Variants in SEC22A observed in about 807,000 individuals in gnomAD.
The protein encoded by SEC22A is vesicle-trafficking protein SEC22a.
A neutral mutation model predicts 35.3 loss-of-function variants in SEC22A; 22 were observed. The observed-to-expected ratio is 0.62, with a 90% CI of 0.45 to 0.89. The LOEUF (loss-of-function observed/expected upper bound fraction) is 0.89, where lower values mean the gene tolerates loss of function less well. SEC22A is among the 40% of genes least tolerant of loss of function. The probability of loss-of-function intolerance (pLI) is 0.00; values close to 1 mark genes in which losing one functional copy is unlikely to be tolerated. For missense variants in SEC22A, 354 were observed against 362.5 expected, an observed-to-expected ratio of 0.98 and a Z score of 0.19; for synonymous variants, 119 against 129.5, an observed-to-expected ratio of 0.92 and a Z score of 0.55.
chr3:123,246,052 T>G, intron 5 of SEC22A, 38 bp downstream of exon 5: 1 of 998,364 alleles, frequency 1.0e-6, no homozygotes. Flanking sequence ...TGACTGTGCC[T>G]CTTCATTCTA....
chr3:123,250,226 A>G (rs1044636178), intron 5 of SEC22A, among the ~76,000 whole-genome samples: 1 of 152,142 alleles, frequency 6.6e-6, no homozygotes, highest in Non-Finnish European at 1.5e-5. Flanking sequence ...CCTGGCCAAC[A>G]TGGTGAAACC....
chr3:123,271,589 G>A lies in SEC22A; in HGVS notation c.791G>A (p.Cys264Tyr). ...VKSFLTFGLI[C>Y]LCNMYLYELR... Reference sequence around the variant, plus strand: ...TCTTTTTTGACTTTTGGCTTAATCTGTCTATGCAACATGTATCTCTATGAA... The same window carrying A: ...TCTTTTTTGACTTTTGGCTTAATCTATCTATGCAACATGTATCTCTATGAA... The change falls in exon 7 of 7, where the codon TGT (cysteine) becomes TAT (tyrosine). Residue 264 changes from cysteine (C) to tyrosine (Y), a missense_variant. By Grantham distance (194) the Cys-to-Tyr change is radical. Transcript: ENST00000492595. 1 of 1,614,142 alleles carries A rather than the reference G, an allele frequency of 6.2e-7. No individual in the cohort carries two copies.
chr3:123,222,227 T>G (rs1189364624), intron 2 of SEC22A, among the ~76,000 whole-genome samples: 2 of 151,968 alleles, frequency 1.3e-5, no homozygotes, highest in Non-Finnish European at 2.9e-5. Flanking sequence ...AGACAGAGTC[T>G]CTCTCTTGTC....
rs373209167 is a variant in SEC22A, at chr3:123,271,509, A to G, written c.724-13A>G. On this transcript the variant is annotated splice_polypyrimidine_tract_variant and intron_variant, in intron 6 of 6. Coordinates refer to ENST00000492595, the MANE Select transcript of SEC22A (RefSeq NM_012430.5). ...GTAACCCTAATCATCTTTCATTTTT[A>G]TATTTTGAACAGTGTTATTTACTTG... 2.5e-6 allele frequency: 4 copies of G among 1,604,384 alleles called. No homozygotes were observed. The highest frequency in any genetic ancestry group is 3.4e-6 in the Non-Finnish European group (4 of 1,174,890).
chr3:123,210,924 A>C (rs964290247), intron 2 of SEC22A, among the ~76,000 whole-genome samples: 3 of 152,180 alleles, frequency 2.0e-5, no homozygotes, highest in Non-Finnish European at 4.4e-5. Context: ...GTGTATTAAC[A>C]TGCTTATCCT....
Position 123,209,240 on chromosome 3 carries a change from C to T in SEC22A, c.23C>T (p.Ser8Leu), listed in dbSNP as rs1048208941. 6.2e-7 allele frequency: 1 copy of T among 1,614,078 alleles called. No homozygotes were observed. Reference protein sequence around the residue: MSMILSASVIRVRDGLPL... With the variant: MSMILSALVIRVRDGLPL... ...GAAATGTCTATGATTTTATCTGCCT[C>T]AGTCATTCGTGTCAGAGATGGACTG... Residue 8 changes from serine (S) to leucine (L), a missense_variant, in exon 2 of 7, where the codon TCA becomes TTA. Coordinates refer to ENST00000492595, the MANE Select transcript of SEC22A (RefSeq NM_012430.5).
intron 2 of SEC22A, among the ~76,000 whole-genome samples, chr3:123,216,489 T>G (rs553104724): frequency 6.6e-6 from 1 of 152,354 alleles, no homozygotes; most frequent in South Asian, 2.1e-4. Flanking sequence ...CTGGCATATT[T>G]CATATTAATA....
chr3:123,266,746 G>T (rs1042916652), intron 6 of SEC22A, among the ~76,000 whole-genome samples: 19 of 145,876 alleles, frequency 1.3e-4, no homozygotes, highest in Admixed American at 1.3e-3. Flanking sequence ...TGAACAGAAT[G>T]TGTATTCTGC....
intron 2 of SEC22A, among the ~76,000 whole-genome samples, chr3:123,214,970 T>C (rs1369825746): frequency 6.6e-6 from 1 of 152,252 alleles, no homozygotes; most frequent in Non-Finnish European, 1.5e-5. Flanking sequence ...AATACTGTTT[T>C]AGGCTTACCT....
chr3:123,260,656 A>C (rs1048348013), intron 6 of SEC22A, among the ~76,000 whole-genome samples: 1 of 152,198 alleles, frequency 6.6e-6, no homozygotes, highest in Non-Finnish European at 1.5e-5. Flanking sequence ...TGTAAGTGAC[A>C]CATTTTTCTA....
At chr3:123,255,736 C>T (rs1208733010) in intron 5 of SEC22A, among the ~76,000 whole-genome samples, 1 of 152,100 alleles carries the variant, frequency 6.6e-6, no homozygotes, top group Non-Finnish European at 1.5e-5. Context: ...GAGTTTATTT[C>T]ACATCAGTAC....
At chr3:123,238,541 C>T (rs1937469416) in intron 4 of SEC22A, among the ~76,000 whole-genome samples, 1 of 152,076 alleles carries the variant, frequency 6.6e-6, no homozygotes, top group Admixed American at 6.5e-5. Flanking sequence ...TAATTCAGAC[C>T]AAGCCTACAT....
intron 6 of SEC22A, among the ~76,000 whole-genome samples, chr3:123,269,080 C>T (rs1344392083): frequency 2.0e-5 from 3 of 151,940 alleles, no homozygotes; most frequent in African/African-American, 7.3e-5. Context: ...TACCAGATCC[C>T]CATTGCAAAG....
chr3:123,217,452 A>G (rs1002197202), intron 2 of SEC22A, among the ~76,000 whole-genome samples: 2 of 150,706 alleles, frequency 1.3e-5, no homozygotes, highest in African/African-American at 2.4e-5. Context: ...TGACCTCATG[A>G]TCTGCCCTCC....
chr3:123,263,283 T>G (rs1475682560), intron 6 of SEC22A, among the ~76,000 whole-genome samples: 1 of 152,216 alleles, frequency 6.6e-6, no homozygotes, highest in Admixed American at 6.5e-5. Context: ...GCACATCATG[T>G]TCTTGCTGAG....
intron 5 of SEC22A, among the ~76,000 whole-genome samples, chr3:123,248,032 C>T (rs1048411973): frequency 2.2e-4 from 34 of 152,000 alleles, no homozygotes; most frequent in Non-Finnish European, 2.9e-4. Flanking sequence ...AAACTTGGAG[C>T]GAACTAGGAA....
chr3:123,244,265 A>G (rs1937549253), intron 4 of SEC22A, among the ~76,000 whole-genome samples: 2 of 152,200 alleles, frequency 1.3e-5, no homozygotes, highest in South Asian at 4.1e-4. Flanking sequence ...GGAACAAGCC[A>G]CAGAACCTGG....
intron 5 of SEC22A, among the ~76,000 whole-genome samples, chr3:123,249,091 A>G (rs1937589718): frequency 6.6e-6 from 1 of 152,214 alleles, no homozygotes; most frequent in South Asian, 2.1e-4. Flanking sequence ...AAATATGTTT[A>G]CTGGTTTATT....
intron 2 of SEC22A, among the ~76,000 whole-genome samples, chr3:123,210,841 A>G (rs1296176404): frequency 6.6e-6 from 1 of 152,194 alleles, no homozygotes; most frequent in Non-Finnish European, 1.5e-5. Flanking sequence ...GAGTTGGCTA[A>G]GGCAGGGAGG....
Sources: gnomAD v4.1 joint callset for allele counts (sites outside exome capture counted in the v4.1 genomes callset) on GRCh38, gnomAD v4.1.1 for gene constraint, MANE v1.5 for transcripts, NCBI Gene and HGNC (gene_info 2026-07-23, HGNC 2026-07-21) for gene names.